The following GRM7 variants were observed in gnomAD, a reference collection of about 807,000 sequenced individuals.
GRM7 encodes glutamate metabotropic receptor 7.
GRM7 carries 35 observed loss-of-function variants against 84.5 expected under a neutral mutation model. That is an observed-to-expected ratio of 0.41 (90% confidence interval 0.32 to 0.55). The LOEUF (loss-of-function observed/expected upper bound fraction) is 0.55, where lower values mean the gene tolerates loss of function less well. Among genes scored for constraint, GRM7 ranks in the 20% least tolerant of loss-of-function variants. The pLI is 0.19. For missense variants in GRM7, 1,003 were observed against 1,194.6 expected, an observed-to-expected ratio of 0.84 and a Z score of 2.36; for synonymous variants, 487 against 455.1, an observed-to-expected ratio of 1.07 and a Z score of -0.89.
At chr3:7,660,745 G>A (rs1699407486) in intron 8 of GRM7, among the ~76,000 whole-genome samples, 1 of 152,128 alleles carries the variant, frequency 6.6e-6, no homozygotes, top group African/African-American at 2.4e-5. Flanking sequence ...TTATTATAAG[G>A]CTCTAGAAAT....
chr3:7,140,719 G>T (rs1250144548), intron 1 of GRM7, among the ~76,000 whole-genome samples: 1 of 151,948 alleles, frequency 6.6e-6, no homozygotes. Context: ...GATATCCTGA[G>T]GAAGTACGGT....
chr3:7,074,495 A>G (rs949269237), intron 1 of GRM7, among the ~76,000 whole-genome samples: 1 of 152,164 alleles, frequency 6.6e-6, no homozygotes, highest in Non-Finnish European at 1.5e-5. Context: ...TATTTATGTT[A>G]CTGTTCTGCG....
intron 8 of GRM7, among the ~76,000 whole-genome samples, chr3:7,656,522 AAT>A (rs576010138): frequency 7.8e-5 from 10 of 128,556 alleles, no homozygotes; most frequent in East Asian, 2.2e-4. Context: ...AATAAAAAAA[AAT>A]ATATATATAT....
intron 7 of GRM7, among the ~76,000 whole-genome samples, chr3:7,555,281 A>T (rs1435348168): frequency 6.6e-6 from 1 of 152,220 alleles, no homozygotes; most frequent in African/African-American, 2.4e-5. Context: ...TGAAGGAATT[A>T]GAATTTTAAA....
intron 8 of GRM7, among the ~76,000 whole-genome samples, chr3:7,642,836 G>T (rs936868239): frequency 2.6e-5 from 4 of 152,030 alleles, no homozygotes; most frequent in African/African-American, 4.8e-5. Context: ...TCATGTATGA[G>T]AACATGAAAA....
chr3:7,230,673 C>T (rs1000945256), intron 2 of GRM7, among the ~76,000 whole-genome samples: 1 of 152,104 alleles, frequency 6.6e-6, no homozygotes, highest in Non-Finnish European at 1.5e-5. Flanking sequence ...TTCAAAGAGA[C>T]TTTGTTTGTA....
intron 7 of GRM7, among the ~76,000 whole-genome samples, chr3:7,508,372 C>T (rs1051379076): frequency 6.6e-6 from 1 of 152,106 alleles, no homozygotes; most frequent in African/African-American, 2.4e-5. Context: ...CTTCATGCTC[C>T]TTCAAGTGAT....
chr3:7,669,081 G>A (rs759862659), intron 8 of GRM7, among the ~76,000 whole-genome samples: 15 of 152,206 alleles, frequency 9.9e-5, no homozygotes, highest in African/African-American at 2.7e-4. Context: ...CATGCTTGAC[G>A]CCAATTCTAT....
At chr3:7,000,842 C>G (rs1456598034) in intron 1 of GRM7, among the ~76,000 whole-genome samples, 1 of 152,182 alleles carries the variant, frequency 6.6e-6, no homozygotes, top group African/African-American at 2.4e-5. Context: ...TGCTCACATT[C>G]CATTGGCCAG....
At chr3:7,504,751 A>T (rs774327390) in intron 7 of GRM7, among the ~76,000 whole-genome samples, 112 of 152,362 alleles carry the variant, frequency 7.4e-4, no homozygotes, top group Non-Finnish European at 1.5e-3. Context: ...ATTCATGGGA[A>T]TAGAGGGATT....
At chr3:7,081,204 A>T (rs1392834074) in intron 1 of GRM7, among the ~76,000 whole-genome samples, 1 of 152,034 alleles carries the variant, frequency 6.6e-6, no homozygotes, top group Non-Finnish European at 1.5e-5. Context: ...TTATAAATTG[A>T]AGGTCTCTGG....
At chr3:6,942,255 GATATA>G (rs1244252369) in intron 1 of GRM7, among the ~76,000 whole-genome samples, 4 of 152,044 alleles carry the variant, frequency 2.6e-5, no homozygotes, top group Admixed American at 6.6e-5. Flanking sequence ...AGGATTAAAA[GATATA>G]ATATATCTAA....
chr3:7,200,494 C>G (rs1696029708), intron 2 of GRM7, among the ~76,000 whole-genome samples: 2 of 152,124 alleles, frequency 1.3e-5, no homozygotes, highest in African/African-American at 2.4e-5. Flanking sequence ...GGGTGAAGCC[C>G]AAGTTTCTGA....
At chr3:7,591,768 C>A (rs77377244) in intron 8 of GRM7, among the ~76,000 whole-genome samples, 1 of 152,036 alleles carries the variant, frequency 6.6e-6, no homozygotes, top group Non-Finnish European at 1.5e-5. Context: ...TTCTTTGAAA[C>A]GCCACAGCAA....
chr3:7,558,843 A>C (rs1466409843), intron 7 of GRM7, among the ~76,000 whole-genome samples: 2 of 152,142 alleles, frequency 1.3e-5, no homozygotes, highest in East Asian at 3.9e-4. Flanking sequence ...TTTTGTTAAA[A>C]GCAATCTGTA....
chr3:7,623,110 C>T (rs1427087686), intron 8 of GRM7, among the ~76,000 whole-genome samples: 2 of 152,110 alleles, frequency 1.3e-5, no homozygotes, highest in African/African-American at 4.8e-5. Flanking sequence ...GCTAAGTTGA[C>T]ATGTTATAAA....
At chr3:7,120,898 G>T (rs1318860350) in intron 1 of GRM7, among the ~76,000 whole-genome samples, 1 of 152,114 alleles carries the variant, frequency 6.6e-6, no homozygotes, top group Non-Finnish European at 1.5e-5. Context: ...ATCCTAAGTT[G>T]TCACCAAGCT....
At chr3:7,725,364 C>G (rs1325435337) in intron 9 of GRM7, among the ~76,000 whole-genome samples, 1 of 152,150 alleles carries the variant, frequency 6.6e-6, no homozygotes, top group African/African-American at 2.4e-5. Flanking sequence ...CCTGTGGATA[C>G]TTTTGGCCTG....
chr3:7,419,655 T>TA (rs973721959), intron 5 of GRM7, among the ~76,000 whole-genome samples: 3 of 152,156 alleles, frequency 2.0e-5, no homozygotes, highest in Non-Finnish European at 4.4e-5. Flanking sequence ...ACTCGTGACT[T>TA]ACCCAGAACA....
Sources: allele counts gnomAD v4.1 joint callset (sites outside exome capture counted in the v4.1 genomes callset), GRCh38; gene constraint gnomAD v4.1.1; transcripts MANE v1.5; gene names NCBI Gene and HGNC (gene_info 2026-07-23, HGNC 2026-07-21).